The following ELMO1 variants were observed in gnomAD, a reference collection of about 807,000 sequenced individuals.
ELMO1 encodes the protein engulfment and cell motility protein 1.
In ELMO1, 26 loss-of-function variants were observed where a neutral mutation model predicts 98.9. That is an observed-to-expected ratio of 0.26 (90% confidence interval 0.19 to 0.36). The LOEUF (loss-of-function observed/expected upper bound fraction) is 0.36. Ranked by LOEUF, ELMO1 falls within the 10% of genes least tolerant of loss-of-function variation. The pLI, the probability that ELMO1 is intolerant of heterozygous loss-of-function variation, is 1.00. For missense variants in ELMO1, 627 were observed against 935.2 expected, an observed-to-expected ratio of 0.67 and a Z score of 4.30; for synonymous variants, 346 against 346.0, an observed-to-expected ratio of 1.00 and a Z score of 0.00.
chr7:36,938,577 T>C (rs1786749493), intron 16 of ELMO1, among the ~76,000 whole-genome samples: 1 of 152,238 alleles, frequency 6.6e-6, no homozygotes, highest in Non-Finnish European at 1.5e-5. Context: ...TGCATTTGTA[T>C]GTTTTAAGTT....
At chr7:36,940,936 G>C (rs1207775764) in intron 16 of ELMO1, among the ~76,000 whole-genome samples, 1 of 152,232 alleles carries the variant, frequency 6.6e-6, no homozygotes. Context: ...GGCACAGATA[G>C]TGTGATAACT....
intron 17 of ELMO1, among the ~76,000 whole-genome samples, chr7:36,889,054 C>T (rs75956759): frequency 2.0e-5 from 3 of 152,266 alleles, no homozygotes; most frequent in African/African-American, 7.2e-5. Context: ...TGGGCACAGA[C>T]TCAGGTTTTC....
At chr7:36,965,498 C>T (rs1789343476) in intron 16 of ELMO1, among the ~76,000 whole-genome samples, 1 of 152,114 alleles carries the variant, frequency 6.6e-6, no homozygotes, top group African/African-American at 2.4e-5. Flanking sequence ...AGGGGAATTG[C>T]CGAGATGCTC....
chr7:36,938,860 T>C (rs998611825), intron 16 of ELMO1, among the ~76,000 whole-genome samples: 7 of 152,182 alleles, frequency 4.6e-5, no homozygotes, highest in African/African-American at 1.7e-4. Context: ...AAAAATTCAA[T>C]TGATTTAAAC....
chr7:37,367,340 C>A (rs1801945232), intron 1 of ELMO1, among the ~76,000 whole-genome samples: 1 of 152,172 alleles, frequency 6.6e-6, no homozygotes, highest in Non-Finnish European at 1.5e-5. Context: ...TGTTACACAC[C>A]GGTCTATGTG....
At chr7:36,864,687 A>T (rs1344634846) in intron 20 of ELMO1, among the ~76,000 whole-genome samples, 1 of 152,216 alleles carries the variant, frequency 6.6e-6, no homozygotes, top group Non-Finnish European at 1.5e-5. Context: ...GTGGTGGTGG[A>T]GTAGACTGTC....
At chr7:37,404,022 C>T (rs1163204432) in intron 1 of ELMO1, among the ~76,000 whole-genome samples, 2 of 151,942 alleles carry the variant, frequency 1.3e-5, no homozygotes, top group Non-Finnish European at 1.5e-5. Flanking sequence ...TTGGAACTCA[C>T]TGTGCTATCT....
chr7:36,920,864 T>A (rs1027956425), intron 16 of ELMO1, among the ~76,000 whole-genome samples: 2 of 152,156 alleles, frequency 1.3e-5, no homozygotes, highest in African/African-American at 4.8e-5. Flanking sequence ...ATGAGCAGTG[T>A]CAAGGTCTTC....
intron 2 of ELMO1, among the ~76,000 whole-genome samples, chr7:37,319,805 C>T (rs1799384892): frequency 6.6e-6 from 1 of 152,196 alleles, no homozygotes; most frequent in African/African-American, 2.4e-5. Flanking sequence ...CCAGACCTTT[C>T]CTACCACCTT....
chr7:37,380,233 T>G (rs573861388), intron 1 of ELMO1, among the ~76,000 whole-genome samples: 146 of 152,356 alleles, frequency 9.6e-4, no homozygotes, highest in Admixed American at 1.7e-3. Flanking sequence ...TATTTAGCCA[T>G]CCTGGTGGCT....
At chr7:37,120,270 T>G (rs1785914991) in intron 14 of ELMO1, among the ~76,000 whole-genome samples, 1 of 152,198 alleles carries the variant, frequency 6.6e-6, no homozygotes, top group African/African-American at 2.4e-5. Context: ...TTCATCTCAC[T>G]GGGGATTGTC....
chr7:37,381,377 G>A (rs1203861255), intron 1 of ELMO1, among the ~76,000 whole-genome samples: 2 of 152,120 alleles, frequency 1.3e-5, no homozygotes, highest in African/African-American at 4.8e-5. Flanking sequence ...CTAGATTACT[G>A]GTTTACTAAA....
intron 1 of ELMO1, among the ~76,000 whole-genome samples, chr7:37,447,057 T>C (rs977002965): frequency 1.3e-5 from 2 of 152,098 alleles, no homozygotes; most frequent in Admixed American, 6.5e-5. Flanking sequence ...CCTTGGAAAG[T>C]AGGCATGGAG....
In ELMO1 at chr7:37,067,465, T is replaced by C. The variant is rs76949339; in HGVS notation, c.1300+29154A>G. On this transcript the variant is annotated intron_variant, in intron 15 of 21. Transcript: ENST00000310758. ...TTCTTATACTTCATATTCTAATTAT[T>C]GTATTATGTACAGATATTTATTTTC... 9.0e-3 allele frequency among the ~76,000 whole-genome samples: 1,377 copies of C among 152,354 alleles called. 6 individuals carry two copies. Among genetic ancestry groups the C allele is most frequent in the Middle Eastern group, 0.014 (4 of 294 alleles).
chr7:37,435,031 C>A (rs1805087883), intron 1 of ELMO1: 1 of 152,200 alleles, frequency 6.6e-6, no homozygotes, highest in Non-Finnish European at 1.5e-5. Flanking sequence ...GGAGGCTCAC[C>A]ATTGTTTATG....
chr7:36,970,118 C>T (rs1437105670), intron 16 of ELMO1, among the ~76,000 whole-genome samples: 2 of 151,708 alleles, frequency 1.3e-5, no homozygotes, highest in Non-Finnish European at 2.9e-5. Context: ...ATTCATTTTT[C>T]AGGCTCTCCT....
At chr7:37,168,977 C>A (rs577072749) in intron 13 of ELMO1, among the ~76,000 whole-genome samples, 1 of 152,316 alleles carries the variant, frequency 6.6e-6, no homozygotes, top group South Asian at 2.1e-4. Context: ...CCTCCTGGAG[C>A]TGTGGTGGGC....
chr7:36,916,742 T>C (rs541173383), intron 16 of ELMO1, among the ~76,000 whole-genome samples: 1 of 152,230 alleles, frequency 6.6e-6, no homozygotes, highest in Non-Finnish European at 1.5e-5. Context: ...ACACTGCCTA[T>C]CAAACACTTG....
chr7:36,903,588 G>A (rs892813988), intron 16 of ELMO1, among the ~76,000 whole-genome samples: 1 of 152,178 alleles, frequency 6.6e-6, no homozygotes, highest in Non-Finnish European at 1.5e-5. Context: ...CTCATCCCTT[G>A]AGATTCTGAC....
Sources: allele counts gnomAD v4.1 joint callset (sites outside exome capture counted in the v4.1 genomes callset), GRCh38; gene constraint gnomAD v4.1.1; transcripts MANE v1.5; gene names NCBI Gene and HGNC (gene_info 2026-07-23, HGNC 2026-07-21).